NAV2: variants seen among roughly 807,000 people sequenced by gnomAD.
NAV2 encodes the protein helicase, APC down-regulated 1.
In NAV2, 54 loss-of-function variants were observed where a neutral mutation model predicts 223.2. The observed-to-expected ratio is 0.24, with a 90% CI of 0.19 to 0.30. The LOEUF is 0.30. Among genes scored for constraint, NAV2 ranks in the 10% least tolerant of loss-of-function variants. NAV2 has a pLI of 1.00. For missense variants in NAV2, 2,806 were observed against 3,147.5 expected (o/e 0.89, Z 2.60); for synonymous variants, 1,279 against 1,239.3 (o/e 1.03, Z -0.67).
chr11:19,564,860 C>T (rs1176314818), intron 1 of NAV2, among the ~76,000 whole-genome samples: 1 of 152,202 alleles, frequency 6.6e-6, no homozygotes, highest in Non-Finnish European at 1.5e-5. Context: ...CTGGGCCGGG[C>T]GTGGTGGCTC....
At position 20,078,073 on chromosome 11, in the gene NAV2, A is replaced by C; in HGVS notation, c.5148A>C (p.Gly1716=). Residue 1716 remains glycine, a synonymous_variant, in exon 24 of 38, where the codon GGA becomes GGC. Coordinates refer to ENST00000349880, the MANE Select transcript of NAV2 (RefSeq NM_145117.5). ...QNAAAQAAIN[G]VINTPELNCK... ...CAGCTGCCCAGGCTGCCATTAATGGAGTAATTAACACACCTGAGCTCAACT... is the reference window on the plus strand; with the variant it reads ...CAGCTGCCCAGGCTGCCATTAATGGCGTAATTAACACACCTGAGCTCAACT... The C allele has an allele frequency of 6.2e-7, 1 of 1,613,432 alleles. No individual in the cohort carries two copies. Among genetic ancestry groups the C allele is most frequent in the Non-Finnish European group, 8.5e-7 (1 of 1,179,816 alleles).
chr11:19,345,699 C>T, the NAV2 span, among the ~76,000 whole-genome samples: 194 of 152,374 alleles, frequency 1.3e-3, no homozygotes, highest in African/African-American at 4.5e-3. This position sits in a 1 kb window ranked among gnomAD's most constrained non-coding sequence, Gnocchi z 5.2. Context: ...CGGCGCAGTG[C>T]TCCGAGGCTG....
intron 1 of NAV2, among the ~76,000 whole-genome samples, chr11:19,497,817 G>A (rs1261036472): frequency 1.3e-5 from 2 of 152,054 alleles, no homozygotes; most frequent in Admixed American, 6.6e-5. Context: ...AAAGTCTTCT[G>A]CTCCATCACT....
At chr11:19,894,834 G>A (rs933835678) in intron 6 of NAV2, among the ~76,000 whole-genome samples, 2 of 152,254 alleles carry the variant, frequency 1.3e-5, no homozygotes, top group East Asian at 1.9e-4. Context: ...GGGTTCAAGC[G>A]ATTCTCCTGC....
chr11:19,435,536 G>T (rs527299861), intron 1 of NAV2, among the ~76,000 whole-genome samples: 1 of 152,112 alleles, frequency 6.6e-6, no homozygotes, highest in Non-Finnish European at 1.5e-5. Context: ...TACAGTGAAC[G>T]TGGGAGTGCA....
intron 6 of NAV2, among the ~76,000 whole-genome samples, chr11:19,917,319 A>C (rs1323819855): frequency 2.6e-5 from 4 of 152,156 alleles, no homozygotes; most frequent in African/African-American, 9.7e-5. Flanking sequence ...TCATATTTTT[A>C]GTAACTTTTG....
chr11:20,026,866 T>A (rs1193998819), intron 11 of NAV2, among the ~76,000 whole-genome samples: 1 of 152,200 alleles, frequency 6.6e-6, no homozygotes, highest in Non-Finnish European at 1.5e-5. Context: ...AATATTTATC[T>A]AACAGTAACT....
At chr11:19,547,478 G>T (rs1409103035) in intron 1 of NAV2, among the ~76,000 whole-genome samples, 1 of 152,012 alleles carries the variant, frequency 6.6e-6, no homozygotes, top group Non-Finnish European at 1.5e-5. Flanking sequence ...TCCCACCACT[G>T]CTCTTTTCCA....
chr11:19,560,751 A>G (rs16936978), intron 1 of NAV2, among the ~76,000 whole-genome samples: 5,265 of 152,320 alleles, frequency 0.035, 295 homozygotes, highest in African/African-American at 0.11. Flanking sequence ...TGGGTTGCAC[A>G]TTCAGGTGAC....
chr11:19,657,461 A>T (rs535456635), intron 1 of NAV2, among the ~76,000 whole-genome samples: 1 of 152,236 alleles, frequency 6.6e-6, no homozygotes, highest in Non-Finnish European at 1.5e-5. Context: ...TCTTTGGATT[A>T]TGCCTCATCC....
Position 19,743,986 on chromosome 11 carries a change from T to G in NAV2, c.267+30024T>G, listed in dbSNP as rs75508597. Among the ~76,000 whole-genome samples the G allele has an allele frequency of 1.8e-4, 27 of 152,378 alleles. No individual in the cohort carries two copies. The East Asian group carries it at 5.2e-3, about 29-fold the overall frequency. On this transcript the variant is annotated intron_variant, in intron 1 of 37. Coordinates refer to ENST00000349880, the MANE Select transcript of NAV2 (RefSeq NM_145117.5). ...GTAGTATGCTTCCCCTCCACTGGCC[T>G]CAGATACAGTTGGTTTACTGAGCAC...
intron 1 of NAV2, among the ~76,000 whole-genome samples, chr11:19,700,651 A>G (rs2152282983): frequency 6.6e-6 from 1 of 152,292 alleles, no homozygotes; most frequent in South Asian, 2.1e-4. Context: ...CCCGAAGCAC[A>G]CTGGCAGGCA....
chr11:19,782,404 C>T (rs1262538828), intron 1 of NAV2, among the ~76,000 whole-genome samples: 1 of 152,192 alleles, frequency 6.6e-6, no homozygotes, highest in Non-Finnish European at 1.5e-5. Context: ...TGAGGTAACA[C>T]ATTTTCCTTC....
chr11:19,854,099 G>A (rs531811715), intron 3 of NAV2, among the ~76,000 whole-genome samples: 12 of 152,326 alleles, frequency 7.9e-5, no homozygotes, highest in African/African-American at 2.4e-4. Context: ...ATTTATAACC[G>A]TGTGGATTGT....
intron 1 of NAV2, among the ~76,000 whole-genome samples, chr11:19,684,983 T>C (rs889379665): frequency 1.3e-5 from 2 of 152,184 alleles, no homozygotes; most frequent in African/African-American, 4.8e-5. Context: ...TAAAAGCACA[T>C]GGTCAGGCAG....
intron 26 of NAV2, among the ~76,000 whole-genome samples, chr11:20,087,615 A>G (rs1280070781): frequency 6.6e-6 from 1 of 152,214 alleles, no homozygotes; most frequent in Non-Finnish European, 1.5e-5. Context: ...GACAGTGGAA[A>G]AAGGCTTGAA....
intron 1 of NAV2, among the ~76,000 whole-genome samples, chr11:19,538,830 G>C (rs530422161): frequency 6.6e-6 from 1 of 151,976 alleles, no homozygotes; most frequent in Non-Finnish European, 1.5e-5. Flanking sequence ...TACCCAGTTT[G>C]CTCCAATGGG....
At position 20,093,064 on chromosome 11, in the gene NAV2, A is replaced by G. The variant is rs375627949; in HGVS notation, c.5816-35A>G. The G allele has an allele frequency of 5.3e-6, 8 of 1,496,812 alleles. No individual in the cohort carries two copies. In the East Asian group the frequency reaches 1.5e-4, roughly 29 times the overall value. The allele number at this position is 1,496,812 out of a possible 1,614,324, so 92.7% of individuals were successfully genotyped here. ...TCAGGAAGCTGGCTTTGCTGTCCCC[A>G]TGTGCCTAAGGCTGTTGATGTTTTC... On this transcript the variant is annotated intron_variant, in intron 28 of 37. Transcript: ENST00000349880.
chr11:19,600,040 A>T lies in NAV2; in HGVS notation c.76-232444A>T, dbSNP rs542442492. Among the ~76,000 whole-genome samples the T allele has an allele frequency of 3.7e-4, 57 of 152,262 alleles. No individual in the cohort carries two copies. In the South Asian group the frequency reaches 0.012, roughly 32 times the overall value. The stretch of plus-strand genomic sequence containing the variant: ...GTGATTCCAGGAAGCACTGTGAGGG[A>T]GTGGGGAGTGAGACAGCGAGGAGAA... On this transcript the variant is annotated intron_variant, in intron 1 of 37. Coordinates refer to the NAV2 transcript ENST00000360655.
Sources: allele counts gnomAD v4.1 joint callset (sites outside exome capture counted in the v4.1 genomes callset), GRCh38; gene constraint gnomAD v4.1.1; non-coding constraint Gnocchi (gnomAD v3.1); transcripts MANE v1.5; gene names NCBI Gene and HGNC (gene_info 2026-07-23, HGNC 2026-07-21).